Variants in ZNF609 observed in about 807,000 individuals in gnomAD.
ZNF609 encodes zinc finger protein 609.
In ZNF609, 11 loss-of-function variants were observed where a neutral mutation model predicts 109.5. The observed-to-expected ratio is 0.10, with a 90% CI of 0.06 to 0.17. The LOEUF (loss-of-function observed/expected upper bound fraction) is 0.17. ZNF609 is among the 10% of genes least tolerant of loss of function. The pLI, the probability that ZNF609 is intolerant of heterozygous loss-of-function variation, is 1.00. For synonymous variants in ZNF609, 646 were observed against 662.0 expected, an observed-to-expected ratio of 0.98 and a Z score of 0.37; for missense variants, 1,559 against 1,772.4, an observed-to-expected ratio of 0.88 and a Z score of 2.16.
chr15:64,465,988 C>T (rs989619075), intron 1 of ZNF609, among the ~76,000 whole-genome samples: 1 of 151,662 alleles, frequency 6.6e-6, no homozygotes, highest in Non-Finnish European at 1.5e-5. Flanking sequence ...TGGTGGTGCA[C>T]TCCTGTAATT....
chr15:64,630,023 C>A (rs1480970320), intron 3 of ZNF609, among the ~76,000 whole-genome samples: 1 of 151,298 alleles, frequency 6.6e-6, no homozygotes, highest in Non-Finnish European at 1.5e-5. Context: ...CATTTTTTAC[C>A]AAAAATTTCC....
At position 64,499,469 on chromosome 15, in the gene ZNF609, C is replaced by A; in HGVS notation, c.50C>A (p.Pro17Gln). ...GGAGGGAAAGGAGTGGATGCAAACC[C>A]GGTTGAGACATACGACAGTGGGGAT... is the stretch of plus-strand genomic sequence containing the variant. ...ASGGKGVDAN[P>Q]VETYDSGDEW... Residue 17 changes from proline to glutamine, a missense_variant, in exon 2 of 10, where the codon CCG becomes CAG. Around this residue, in one of 4 missense-constraint regions of ZNF609, gnomAD observed 26 missense variants for 58.4 expected, o/e 0.44. Coordinates refer to ENST00000326648, the MANE Select transcript of ZNF609 (RefSeq NM_015042.2). 1 of 1,613,990 alleles carries A rather than the reference C, an allele frequency of 6.2e-7. No homozygotes were observed. The highest frequency in any genetic ancestry group is 1.1e-5 in the South Asian group (1 of 91,066).
chr15:64,626,853 A>G (rs1895970843), intron 3 of ZNF609, among the ~76,000 whole-genome samples: 1 of 152,212 alleles, frequency 6.6e-6, no homozygotes, highest in Non-Finnish European at 1.5e-5. Flanking sequence ...AGAAGACCCA[A>G]GTGTAACCTA....
chr15:64,533,205 C>T (rs1038892399), intron 2 of ZNF609, among the ~76,000 whole-genome samples: 4 of 152,062 alleles, frequency 2.6e-5, no homozygotes, highest in African/African-American at 4.8e-5. Context: ...TGTTTGCCAC[C>T]ACGCCTGGCT....
chr15:64,673,195 G>T (rs1415285522), intron 4 of ZNF609, among the ~76,000 whole-genome samples: 1 of 152,190 alleles, frequency 6.6e-6, no homozygotes. Context: ...GACAAAATTT[G>T]CCTCTTTTCT....
At chr15:64,478,373 T>C (rs886800902) in intron 1 of ZNF609, among the ~76,000 whole-genome samples, 53 of 151,388 alleles carry the variant, frequency 3.5e-4, no homozygotes, top group African/African-American at 1.3e-3. Context: ...GCAGAATAAA[T>C]GAACTTTTTT....
intron 2 of ZNF609, among the ~76,000 whole-genome samples, chr15:64,505,330 GA>G (rs35758533): frequency 0.84 from 128,197 of 152,104 alleles, 56,065 homozygotes; most frequent in East Asian, 0.96. Flanking sequence ...TTGCAGGTAA[GA>G]AAAAAAACCC....
At position 64,630,691 on chromosome 15, in the gene ZNF609, C is replaced by T. The variant is rs181512606; in HGVS notation, c.973+7639C>T. 9.2e-5 allele frequency among the ~76,000 whole-genome samples: 14 copies of T among 152,024 alleles called. No individual in the cohort carries two copies. The South Asian group carries it at 1.3e-3, about 14-fold the overall frequency. On this transcript the variant is annotated intron_variant, in intron 3 of 9. Coordinates refer to ENST00000326648, the MANE Select transcript of ZNF609 (RefSeq NM_015042.2). ...CCGTGTTAGCCAGGCTTATCTCAGA[C>T]TCCTGGCCTCAAATGATCTGCCTGC...
At chr15:64,574,865 C>T (rs567485536) in intron 2 of ZNF609, among the ~76,000 whole-genome samples, 9 of 152,178 alleles carry the variant, frequency 5.9e-5, no homozygotes, top group African/African-American at 2.2e-4. Context: ...GATGGGTGAA[C>T]ATCTGATTTT....
At chr15:64,510,208 T>TC (rs1024166571) in intron 2 of ZNF609, among the ~76,000 whole-genome samples, 22 of 150,018 alleles carry the variant, frequency 1.5e-4, no homozygotes, top group Non-Finnish European at 2.5e-4. Context: ...TTTTTTTCTT[T>TC]TTTTTTTTTT....
At chr15:64,630,140 C>G (rs1453628350) in intron 3 of ZNF609, among the ~76,000 whole-genome samples, 2 of 144,828 alleles carry the variant, frequency 1.4e-5, no homozygotes, top group Non-Finnish European at 3.0e-5. Context: ...CTCTGTTGCC[C>G]GGGGTACAAT....
intron 2 of ZNF609, among the ~76,000 whole-genome samples, chr15:64,580,625 T>G (rs184809530): frequency 6.6e-6 from 1 of 151,246 alleles, no homozygotes; most frequent in East Asian, 2.0e-4. Context: ...GTCTGCAACC[T>G]CTGCCTCCTG....
At chr15:64,666,466 C>G (rs866174287) in intron 3 of ZNF609, among the ~76,000 whole-genome samples, 1 of 152,096 alleles carries the variant, frequency 6.6e-6, no homozygotes, top group Non-Finnish European at 1.5e-5. Flanking sequence ...ATGAAAACAT[C>G]TAGCACATAA....
intron 2 of ZNF609, among the ~76,000 whole-genome samples, chr15:64,551,941 G>A (rs181023568): frequency 0.012 from 1,741 of 143,400 alleles, 69 homozygotes; most frequent in Middle Eastern, 0.035. Context: ...AGCCGAGGTC[G>A]CACCACTGCA....
chr15:64,508,492 T>C (rs949287982), intron 2 of ZNF609, among the ~76,000 whole-genome samples: 3 of 152,192 alleles, frequency 2.0e-5, no homozygotes, highest in African/African-American at 7.2e-5. Flanking sequence ...AGTGTCTGTC[T>C]TGTTGAAAGT....
chr15:64,468,373 A>G (rs532325819), intron 1 of ZNF609, among the ~76,000 whole-genome samples: 1 of 150,404 alleles, frequency 6.6e-6, no homozygotes, highest in African/African-American at 2.4e-5. Flanking sequence ...CTGGAGTGCA[A>G]TGGTGCAATC....
intron 2 of ZNF609, among the ~76,000 whole-genome samples, chr15:64,613,344 C>T (rs1195370522): frequency 6.6e-6 from 1 of 151,976 alleles, no homozygotes; most frequent in Non-Finnish European, 1.5e-5. Context: ...AAGAAAAGGA[C>T]CCGAATTTCC....
At chr15:64,575,215 T>C (rs912563520) in intron 2 of ZNF609, among the ~76,000 whole-genome samples, 1 of 152,112 alleles carries the variant, frequency 6.6e-6, no homozygotes, top group African/African-American at 2.4e-5. Context: ...ACCTGACATC[T>C]GGAGTTCAAG....
intron 3 of ZNF609, among the ~76,000 whole-genome samples, chr15:64,638,015 TAA>T (rs1555424294): frequency 7.2e-5 from 10 of 139,194 alleles, no homozygotes; most frequent in African/African-American, 2.6e-4. Context: ...TATATATATA[TAA>T]AATATATATA....
Sources: allele counts gnomAD v4.1 joint callset (sites outside exome capture counted in the v4.1 genomes callset), GRCh38; gene constraint gnomAD v4.1.1; regional missense constraint gnomAD v4.1.1; transcripts MANE v1.5; gene names NCBI Gene and HGNC (gene_info 2026-07-23, HGNC 2026-07-21).